Variants in PTPRT observed in about 807,000 individuals in gnomAD.
The protein encoded by PTPRT is receptor-type tyrosine-protein phosphatase T.
PTPRT carries 56 observed loss-of-function variants against 176.8 expected under a neutral mutation model. That is an observed-to-expected ratio of 0.32 (90% CI 0.26 to 0.40). The LOEUF (loss-of-function observed/expected upper bound fraction) is 0.40. PTPRT is among the 10% of genes least tolerant of loss of function. PTPRT has a pLI of 1.00. For synonymous variants in PTPRT, 783 were observed against 739.0 expected (o/e 1.06, Z -0.96); for missense variants, 1,540 against 1,908.2 (o/e 0.81, Z 3.60).
At position 42,375,562 on chromosome 20, in the gene PTPRT, C is replaced by A. The variant is rs552005286; in HGVS notation, c.1561-23277G>T. On this transcript the variant is annotated intron_variant, in intron 9 of 30. Coordinates refer to ENST00000373187, the MANE Select transcript of PTPRT (RefSeq NM_007050.6). ...CCTCACCAGACACCAAACCTGCCCC[C>A]CTGGATCCGGGCTTCCCAGCCTCCT... Among the ~76,000 whole-genome samples, 253 of 152,282 alleles carry A rather than the reference C, an allele frequency of 1.7e-3. 2 individuals carry two copies. The highest frequency in any genetic ancestry group is 4.7e-3 in the African/African-American group (197 of 41,562).
intron 1 of PTPRT, among the ~76,000 whole-genome samples, chr20:43,054,826 G>A (rs74743413): frequency 0.071 from 10,782 of 152,180 alleles, 469 homozygotes; most frequent in Middle Eastern, 0.14. Flanking sequence ...CAGCAGGAAG[G>A]TTTACAGATT....
At chr20:42,782,661 G>C (rs1039309485) in intron 3 of PTPRT, among the ~76,000 whole-genome samples, 3 of 152,044 alleles carry the variant, frequency 2.0e-5, no homozygotes, top group African/African-American at 7.3e-5. Context: ...TCTCTGAATT[G>C]TATGCTATAA....
chr20:42,054,023 T>C, the PTPRT span, among the ~76,000 whole-genome samples: 16 of 152,284 alleles, frequency 1.1e-4, no homozygotes, highest in Middle Eastern at 6.8e-3. Context: ...TCAAGAAACA[T>C]AGTGAAGGTC....
At chr20:42,655,937 A>G (rs1359170650) in intron 7 of PTPRT, among the ~76,000 whole-genome samples, 1 of 152,186 alleles carries the variant, frequency 6.6e-6, no homozygotes, top group African/African-American at 2.4e-5. Flanking sequence ...TAAGACATCT[A>G]GGAAGAGTTT....
intron 7 of PTPRT, among the ~76,000 whole-genome samples, chr20:42,549,275 A>G (rs547326921): frequency 6.6e-6 from 1 of 152,208 alleles, no homozygotes; most frequent in Non-Finnish European, 1.5e-5. Context: ...AGTAATCTGG[A>G]TGGAAGTTAA....
chr20:42,460,022 A>C (rs989016458), intron 8 of PTPRT, among the ~76,000 whole-genome samples: 4 of 152,220 alleles, frequency 2.6e-5, no homozygotes, highest in African/African-American at 9.6e-5. Flanking sequence ...GTTGCCATTT[A>C]CTGAGATGGA....
chr20:42,183,948 A>G (rs893203484), intron 16 of PTPRT, among the ~76,000 whole-genome samples: 1 of 152,168 alleles, frequency 6.6e-6, no homozygotes, highest in Non-Finnish European at 1.5e-5. Flanking sequence ...TAGGAAGCCT[A>G]AGGTAGATGT....
chr20:43,078,770 T>A (rs2011353465), intron 1 of PTPRT, among the ~76,000 whole-genome samples: 1 of 152,192 alleles, frequency 6.6e-6, no homozygotes, highest in African/African-American at 2.4e-5. Context: ...AGTTGCAATA[T>A]TAATCATACT....
chr20:42,733,405 GA>G (rs2076492039), intron 6 of PTPRT, among the ~76,000 whole-genome samples: 1 of 152,222 alleles, frequency 6.6e-6, no homozygotes, highest in South Asian at 2.1e-4. Flanking sequence ...TTTGCCTTGT[GA>G]AGATAAAAGG....
At chr20:43,114,573 A>G (rs2012984402) in intron 1 of PTPRT, among the ~76,000 whole-genome samples, 1 of 152,218 alleles carries the variant, frequency 6.6e-6, no homozygotes, top group Middle Eastern at 3.2e-3. Flanking sequence ...AAATACATAG[A>G]GTTTGAGACA....
chr20:42,200,630 T>C (rs1991410821), intron 15 of PTPRT, among the ~76,000 whole-genome samples: 1 of 152,182 alleles, frequency 6.6e-6, no homozygotes, highest in Non-Finnish European at 1.5e-5. Context: ...AGATATATCA[T>C]TAGAGATACA....
intron 1 of PTPRT, among the ~76,000 whole-genome samples, chr20:43,183,142 G>C (rs1361972886): frequency 1.3e-5 from 2 of 152,142 alleles, no homozygotes; most frequent in Non-Finnish European, 2.9e-5. Context: ...TTAAACTTTT[G>C]CATTTTTGCC....
intron 1 of PTPRT, among the ~76,000 whole-genome samples, chr20:42,985,954 A>C (rs1336492243): frequency 6.6e-6 from 1 of 152,222 alleles, no homozygotes; most frequent in African/African-American, 2.4e-5. Context: ...CACAAGGTCT[A>C]CATTTATGAC....
At chr20:42,703,755 G>A (rs546672658) in intron 6 of PTPRT, among the ~76,000 whole-genome samples, 94 of 152,154 alleles carry the variant, frequency 6.2e-4, no homozygotes, top group Non-Finnish European at 3.8e-4. Flanking sequence ...GAAACATCAC[G>A]TGTGCCTTAG....
intron 9 of PTPRT, among the ~76,000 whole-genome samples, chr20:42,365,216 C>T (rs1476364632): frequency 1.3e-5 from 2 of 152,184 alleles, no homozygotes; most frequent in South Asian, 2.1e-4. Context: ...ATATTCTGAA[C>T]ATTTCTATTC....
chr20:42,376,707 C>T (rs1237590852), intron 9 of PTPRT, among the ~76,000 whole-genome samples: 1 of 152,042 alleles, frequency 6.6e-6, no homozygotes, highest in South Asian at 2.1e-4. Context: ...AGCTCCTAAG[C>T]AGATTGAGGC....
intron 6 of PTPRT, among the ~76,000 whole-genome samples, chr20:42,709,931 T>C (rs1388676023): frequency 1.3e-5 from 2 of 152,180 alleles, no homozygotes; most frequent in African/African-American, 2.4e-5. Flanking sequence ...CTTGGCTGCA[T>C]TATGCTCATG....
intron 1 of PTPRT, among the ~76,000 whole-genome samples, chr20:42,973,169 G>A (rs1982751544): frequency 6.6e-6 from 1 of 151,956 alleles, no homozygotes. Flanking sequence ...CCAAGAGTGT[G>A]AGAGGGAGAA....
intron 28 of PTPRT, among the ~76,000 whole-genome samples, chr20:42,085,088 T>C (rs1983750335): frequency 1.3e-5 from 2 of 152,094 alleles, no homozygotes; most frequent in South Asian, 2.1e-4. Context: ...CAAAACCCAA[T>C]TTAAATGTCC....
Sources: gnomAD v4.1 joint callset for allele counts (sites outside exome capture counted in the v4.1 genomes callset) on GRCh38, gnomAD v4.1.1 for gene constraint, MANE v1.5 for transcripts, NCBI Gene and HGNC (gene_info 2026-07-23, HGNC 2026-07-21) for gene names.